The following MACROD2 variants were observed in gnomAD, a reference collection of about 807,000 sequenced individuals.
MACROD2 encodes mono-ADP ribosylhydrolase 2, also known as ADP-ribose glycohydrolase MACROD2.
A neutral mutation model predicts 70.4 loss-of-function variants in MACROD2; 36 were observed. The ratio of observed to expected loss-of-function variants is 0.51; its 90% CI spans 0.39 to 0.68. The LOEUF is 0.68. Ranked by LOEUF, MACROD2 falls within the 30% of genes least tolerant of loss-of-function variation. The pLI, the probability that MACROD2 is intolerant of heterozygous loss-of-function variation, is 0.00. For synonymous variants in MACROD2, 172 were observed against 178.8 expected (o/e 0.96, Z 0.30); for missense variants, 496 against 538.4 (o/e 0.92, Z 0.78).
intron 5 of MACROD2, among the ~76,000 whole-genome samples, chr20:14,842,479 A>C (rs1288561057): frequency 6.6e-6 from 1 of 152,080 alleles, no homozygotes; most frequent in East Asian, 1.9e-4. Flanking sequence ...ATTAAAAATT[A>C]TTTATAGTGA....
rs966554871 is a variant in MACROD2 at position 15,883,288 on chromosome 20, G to A, written c.728-2476G>A. Among the ~76,000 whole-genome samples the A allele has an allele frequency of 2.6e-5, 4 of 151,886 alleles. No homozygotes were observed. In the South Asian group the frequency reaches 6.2e-4, roughly 24 times the overall value. Reference sequence around the variant, plus strand: ...GTCTGTTGTCATACAGATTTTAGATGGCTCTGTAAAATAAAATTATATTTA... The same window carrying A: ...GTCTGTTGTCATACAGATTTTAGATAGCTCTGTAAAATAAAATTATATTTA... On this transcript the variant is annotated intron_variant, in intron 9 of 17. Coordinates refer to ENST00000684519, the MANE Select transcript of MACROD2 (RefSeq NM_001351661.2).
intron 3 of MACROD2, among the ~76,000 whole-genome samples, chr20:14,263,388 GA>G (rs1418982506): frequency 6.6e-6 from 1 of 152,184 alleles, no homozygotes; most frequent in Non-Finnish European, 1.5e-5. Context: ...GTGGAAGCTA[GA>G]ACCATGCCAT....
intron 2 of MACROD2, among the ~76,000 whole-genome samples, chr20:14,084,931 T>C (rs902737428): frequency 2.0e-5 from 3 of 151,314 alleles, no homozygotes. Flanking sequence ...AAGACCATCC[T>C]GGCCAACACT....
Position 16,004,245 on chromosome 20 carries a change from C to T in MACROD2, c.1153+17087C>T, listed in dbSNP as rs540299526. ...TATAAGCCTCTCTTCCCGCATATGCCCTCTTTGTGGTCATTGCACAACACA... is the reference window on the plus strand; with the variant it reads ...TATAAGCCTCTCTTCCCGCATATGCTCTCTTTGTGGTCATTGCACAACACA... On this transcript the variant is annotated intron_variant, in intron 15 of 17. Transcript: ENST00000684519. 1.2e-4 allele frequency among the ~76,000 whole-genome samples: 19 copies of T among 152,194 alleles called. No individual in the cohort carries two copies. The South Asian group carries it at 3.9e-3, about 32-fold the overall frequency.
chr20:15,815,893 C>G (rs1379966939), intron 8 of MACROD2, among the ~76,000 whole-genome samples: 2 of 152,036 alleles, frequency 1.3e-5, no homozygotes, highest in Non-Finnish European at 2.9e-5. Flanking sequence ...ACTTTTAAAT[C>G]TTAAGTTTAT....
At chr20:14,082,365 T>C (rs1470480777) in intron 2 of MACROD2, among the ~76,000 whole-genome samples, 1 of 148,220 alleles carries the variant, frequency 6.7e-6, no homozygotes, top group Non-Finnish European at 1.5e-5. Context: ...TTTTTTTTTT[T>C]TTTTTTTTAG....
chr20:14,110,102 A>T (rs1357286752), intron 3 of MACROD2, among the ~76,000 whole-genome samples: 1 of 152,020 alleles, frequency 6.6e-6, no homozygotes, highest in Non-Finnish European at 1.5e-5. Flanking sequence ...GATGCATTAT[A>T]TCTATGGAAT....
At chr20:14,448,434 T>C (rs2084207912) in intron 3 of MACROD2, among the ~76,000 whole-genome samples, 1 of 151,868 alleles carries the variant, frequency 6.6e-6, no homozygotes, top group African/African-American at 2.4e-5. Context: ...CCCAGCACTT[T>C]GGGAGGCCGA....
At chr20:15,131,791 GA>G (rs1336572301) in intron 5 of MACROD2, among the ~76,000 whole-genome samples, 6 of 151,912 alleles carry the variant, frequency 3.9e-5, no homozygotes, top group Non-Finnish European at 7.4e-5. Context: ...AATCCATGTA[GA>G]AGCTTAAAAA....
intron 5 of MACROD2, among the ~76,000 whole-genome samples, chr20:14,852,374 G>C (rs536850568): frequency 2.6e-4 from 40 of 152,240 alleles, no homozygotes; most frequent in African/African-American, 9.6e-4. Flanking sequence ...AGTTTTATTA[G>C]AGTGATGATA....
chr20:14,276,546 G>T (rs1394041878), intron 3 of MACROD2, among the ~76,000 whole-genome samples: 1 of 150,566 alleles, frequency 6.6e-6, no homozygotes, highest in Non-Finnish European at 1.5e-5. Flanking sequence ...GTCAATGGGT[G>T]CAGCACACCA....
chr20:14,055,578 G>C (rs1311200543), intron 2 of MACROD2, among the ~76,000 whole-genome samples: 1 of 150,764 alleles, frequency 6.6e-6, no homozygotes, highest in Non-Finnish European at 1.5e-5. Context: ...CCATTTACCA[G>C]TCTGGGCATA....
At chr20:14,462,224 T>C (rs1394332032) in intron 3 of MACROD2, among the ~76,000 whole-genome samples, 8 of 152,144 alleles carry the variant, frequency 5.3e-5, no homozygotes, top group African/African-American at 1.7e-4. Flanking sequence ...ATGATTGCCA[T>C]TCTAACTGGT....
rs148278403 is a variant in MACROD2 at position 15,332,052 on chromosome 20, C to A, written c.541-99353C>A. On this transcript the variant is annotated intron_variant, in intron 6 of 17. Coordinates refer to ENST00000684519, the MANE Select transcript of MACROD2 (RefSeq NM_001351661.2). ...ATAGTTAATAGGTGAAAGCAAAGAT[C>A]TTAATCAGGATGAGTTCAAAATGCT... is the stretch of plus-strand genomic sequence containing the variant. Among the ~76,000 whole-genome samples the A allele has an allele frequency of 1.2e-3, 175 of 151,586 alleles. 10 individuals are homozygous for A. The highest frequency in any genetic ancestry group is 4.2e-3 in the African/African-American group (174 of 41,018).
chr20:14,869,295 G>A (rs1568845381), intron 5 of MACROD2, among the ~76,000 whole-genome samples: 1 of 152,050 alleles, frequency 6.6e-6, no homozygotes, highest in East Asian at 1.9e-4. Flanking sequence ...TTTTGTATCC[G>A]TTAGAGTTTC....
chr20:15,452,544 A>G (rs1331666279), intron 7 of MACROD2, among the ~76,000 whole-genome samples: 1 of 152,170 alleles, frequency 6.6e-6, no homozygotes, highest in South Asian at 2.1e-4. Flanking sequence ...CTGAAGTGGA[A>G]GAGTCTCTCT....
At chr20:15,464,579 A>C (rs546817787) in intron 7 of MACROD2, among the ~76,000 whole-genome samples, 1 of 152,320 alleles carries the variant, frequency 6.6e-6, no homozygotes, top group African/African-American at 2.4e-5. Flanking sequence ...TATGTTAACC[A>C]TTCTTGGAAT....
intron 8 of MACROD2, among the ~76,000 whole-genome samples, chr20:15,683,163 T>A (rs1430478100): frequency 6.6e-6 from 1 of 152,174 alleles, no homozygotes; most frequent in African/African-American, 2.4e-5. Flanking sequence ...ATGAACACTT[T>A]CATTTATGAG....
intron 2 of MACROD2, chr20:14,053,284 TCTAAGAGACCTTC>T (rs887394459): frequency 4.6e-5 from 7 of 152,120 alleles, no homozygotes; most frequent in Admixed American, 4.6e-4. Flanking sequence ...TATATGTAAC[TCTAAGAGACCTTC>T]CTAGAGTGAA....
Sources: gnomAD v4.1 joint callset for allele counts (sites outside exome capture counted in the v4.1 genomes callset) on GRCh38, gnomAD v4.1.1 for gene constraint, MANE v1.5 for transcripts, NCBI Gene and HGNC (gene_info 2026-07-23, HGNC 2026-07-21) for gene names.